The following FSTL5 variants were observed in gnomAD, a reference collection of about 807,000 sequenced individuals.
The protein encoded by FSTL5 is follistatin like 5.
Under a neutral mutation model 89.1 loss-of-function variants are expected in FSTL5, and 62 were observed. That is an observed-to-expected ratio of 0.70 (90% confidence interval 0.57 to 0.86). FSTL5 has a LOEUF of 0.86. FSTL5 is among the 40% of genes least tolerant of loss of function. FSTL5 has a pLI of 0.00. For synonymous variants in FSTL5, 383 were observed against 346.2 expected (o/e 1.11, Z -1.18); for missense variants, 1,057 against 1,001.6 (o/e 1.06, Z -0.75).
At chr4:161,760,353 A>C (rs1740746251) in intron 5 of FSTL5, among the ~76,000 whole-genome samples, 1 of 152,116 alleles carries the variant, frequency 6.6e-6, no homozygotes, top group African/African-American at 2.4e-5. Context: ...TCTCACATAC[A>C]AAGGCAGGGA....
rs192168396 is a variant in FSTL5, at chr4:162,112,868, T to C, written c.-16-1456A>G. Among the ~76,000 whole-genome samples the C allele has an allele frequency of 8.8e-4, 134 of 151,800 alleles. 1 individual carries two copies. The highest frequency in any genetic ancestry group is 3.0e-3 in the African/African-American group (126 of 41,418). On this transcript the variant is annotated intron_variant, in intron 1 of 15. Transcript: ENST00000306100. ...CAAGACGTATGGTGGCCATTCCATGTTGTTGTTGTTCTTGTTGTTGTTTTG... is the reference window on the plus strand; with the variant it reads ...CAAGACGTATGGTGGCCATTCCATGCTGTTGTTGTTCTTGTTGTTGTTTTG...
chr4:162,105,761 C>T (rs2111394877), intron 2 of FSTL5, among the ~76,000 whole-genome samples: 1 of 152,258 alleles, frequency 6.6e-6, no homozygotes, highest in South Asian at 2.1e-4. Context: ...TTTAACTCCT[C>T]TGACCGAGGA....
chr4:162,032,790 T>A (rs927932669), intron 3 of FSTL5: 11 of 152,164 alleles, frequency 7.2e-5, no homozygotes, highest in African/African-American at 2.7e-4. Context: ...ATTTTTTAAT[T>A]TTTGTAGAAC....
At chr4:162,031,960 T>A (rs1367172171) in intron 3 of FSTL5, among the ~76,000 whole-genome samples, 1 of 151,858 alleles carries the variant, frequency 6.6e-6, no homozygotes, top group Non-Finnish European at 1.5e-5. Context: ...AAGTTAGAAG[T>A]CTAAAAGCCA....
At chr4:161,935,345 G>T (rs1734402996) in intron 3 of FSTL5, among the ~76,000 whole-genome samples, 1 of 152,114 alleles carries the variant, frequency 6.6e-6, no homozygotes, top group Admixed American at 6.6e-5. Context: ...CAGTGATGCA[G>T]AATCTTTGCC....
intron 3 of FSTL5, among the ~76,000 whole-genome samples, chr4:162,015,364 A>G (rs988112395): frequency 3.3e-5 from 5 of 152,220 alleles, no homozygotes; most frequent in African/African-American, 1.2e-4. Context: ...TATGACTCAA[A>G]TCACAGCTTA....
intron 7 of FSTL5, among the ~76,000 whole-genome samples, chr4:161,634,166 T>C (rs961209545): frequency 1.3e-5 from 2 of 152,232 alleles, no homozygotes; most frequent in Non-Finnish European, 2.9e-5. Context: ...GAAAGCTTTG[T>C]CACCCATTTG....
chr4:161,974,436 G>A (rs1735573374), intron 3 of FSTL5, among the ~76,000 whole-genome samples: 1 of 140,212 alleles, frequency 7.1e-6, no homozygotes, highest in Non-Finnish European at 1.5e-5. Context: ...AGAGCCCTCA[G>A]AAATAACGCC....
chr4:162,094,931 C>T (rs534817200), intron 2 of FSTL5, among the ~76,000 whole-genome samples: 20 of 152,172 alleles, frequency 1.3e-4, no homozygotes, highest in East Asian at 7.7e-4. Flanking sequence ...TCAATTAAAA[C>T]TTAAAAATTG....
Position 162,006,639 on chromosome 4 carries a change from G to A in FSTL5, c.160+26986C>T, listed in dbSNP as rs141237485. Among the ~76,000 whole-genome samples the A allele has an allele frequency of 2.8e-4, 42 of 151,728 alleles. No homozygotes were observed. The East Asian group carries it at 3.5e-3, about 13-fold the overall frequency. On this transcript the variant is annotated intron_variant, in intron 3 of 15. Coordinates refer to ENST00000306100, the MANE Select transcript of FSTL5 (RefSeq NM_020116.5). ...AAAATTTCAATTTTTCTAAATCTCC[G>A]GTATTACTCATTGCTCTAAATAGCT...
intron 15 of FSTL5, among the ~76,000 whole-genome samples, chr4:161,427,601 T>A (rs1036604976): frequency 1.3e-5 from 2 of 152,206 alleles, no homozygotes; most frequent in Non-Finnish European, 2.9e-5. Flanking sequence ...TCCTGAGAAT[T>A]ATTCAGCTCC....
At chr4:161,951,306 G>T (rs1474557832) in intron 3 of FSTL5, among the ~76,000 whole-genome samples, 2 of 151,924 alleles carry the variant, frequency 1.3e-5, no homozygotes, top group African/African-American at 4.8e-5. Flanking sequence ...TACTACTACT[G>T]CTTCTATTTT....
intron 7 of FSTL5, among the ~76,000 whole-genome samples, chr4:161,620,584 G>C (rs921486858): frequency 2.0e-5 from 3 of 152,076 alleles, no homozygotes; most frequent in Admixed American, 6.6e-5. Context: ...TGAACGCGAA[G>C]GGTGGAGGTT....
chr4:161,773,593 T>C (rs1471578805), intron 5 of FSTL5, among the ~76,000 whole-genome samples: 1 of 151,990 alleles, frequency 6.6e-6, no homozygotes, highest in Admixed American at 6.6e-5. Context: ...CATGAAAAAA[T>C]GCTCAACATC....
chr4:161,742,120 G>GA lies in FSTL5; in HGVS notation c.727+17290dup, dbSNP rs113548786. ...CCTGTAGTTTGTGAGTAAAAAAAAA[G>GA]AAAAAACAATGCAAATAAAACAACG... On this transcript the variant is annotated intron_variant, in intron 6 of 15. Transcript: ENST00000306100. Among the ~76,000 whole-genome samples the GA allele has an allele frequency of 4.0e-3, 601 of 152,010 alleles. 5 individuals are homozygous for GA. Among genetic ancestry groups the GA allele is most frequent in the African/African-American group, 0.014 (572 of 41,484 alleles).
intron 6 of FSTL5, among the ~76,000 whole-genome samples, chr4:161,690,423 T>A (rs555046580): frequency 2.8e-4 from 42 of 152,226 alleles, no homozygotes; most frequent in African/African-American, 9.4e-4. Flanking sequence ...TCAGCATATT[T>A]TTATATGCTT....
chr4:161,948,483 TTC>T (rs1212238454), intron 3 of FSTL5, among the ~76,000 whole-genome samples: 4 of 63,472 alleles, frequency 6.3e-5, no homozygotes, highest in African/African-American at 1.1e-4. Flanking sequence ...TTTCTTTTCT[TTC>T]TTTTTTTTTT....
intron 6 of FSTL5, among the ~76,000 whole-genome samples, chr4:161,706,908 C>T (rs114002258): frequency 0.013 from 1,979 of 151,862 alleles, 40 homozygotes; most frequent in African/African-American, 0.046. Context: ...CAACATAACC[C>T]AACTAATAGG....
At chr4:161,932,839 A>G (rs1308139367) in intron 3 of FSTL5, among the ~76,000 whole-genome samples, 2 of 152,034 alleles carry the variant, frequency 1.3e-5, no homozygotes, top group Admixed American at 1.3e-4. Context: ...TTTAAATATT[A>G]TTTTATTAAT....
Sources: gnomAD v4.1 joint callset for allele counts (sites outside exome capture counted in the v4.1 genomes callset) on GRCh38, gnomAD v4.1.1 for gene constraint, MANE v1.5 for transcripts, NCBI Gene and HGNC (gene_info 2026-07-23, HGNC 2026-07-21) for gene names.